The following ABCA2 variants were observed in gnomAD, a reference collection of about 807,000 sequenced individuals.
ABCA2 encodes the protein ATP-binding cassette sub-family A member 2.
ABCA2 carries 84 observed loss-of-function variants against 262.8 expected under a neutral mutation model. The observed-to-expected ratio is 0.32, with a 90% CI of 0.27 to 0.38. The LOEUF (loss-of-function observed/expected upper bound fraction) is 0.38, where lower values mean the gene tolerates loss of function less well. Among genes scored for constraint, ABCA2 ranks in the 10% least tolerant of loss-of-function variants. The pLI is 1.00. For synonymous variants in ABCA2, 1,696 were observed against 1,502.9 expected (o/e 1.13, Z -2.97); for missense variants, 2,662 against 3,405.9 (o/e 0.78, Z 5.44).
At chr9:137,013,726 T>A (rs1414278200) in intron 28 of ABCA2, 106 bp downstream of exon 28, 10 of 1,391,054 alleles carry the variant, frequency 7.2e-6, no homozygotes, top group Non-Finnish European at 9.8e-6. Context: ...GCCTCAGGTG[T>A]GGGGTGAGGC....
rs767524737 is a variant in ABCA2 at position 137,010,359 on chromosome 9, G to T, written c.6187C>A (p.Arg2063=). 1 of 1,571,912 alleles carries T rather than the reference G, an allele frequency of 6.4e-7. No homozygotes were observed. Among genetic ancestry groups the T allele is most frequent in the Non-Finnish European group, 8.6e-7 (1 of 1,159,148 alleles). Reference sequence around the variant, plus strand: ...ACGGCCAGGATACGGCCAATCTTCCGGGACTTGTAGACCTGGCCAGGAGCC... The same window carrying T: ...ACGGCCAGGATACGGCCAATCTTCCTGGACTTGTAGACCTGGCCAGGAGCC... ...IENLTKVYKS[R]KIGRILAVDR... Residue 2063 remains arginine, a synonymous_variant, in exon 41 of 49, where the codon CGG becomes AGG. Coordinates refer to ENST00000341511, the MANE Select transcript of ABCA2 (RefSeq NM_001606.5).
chr9:137,013,163 G>T lies in ABCA2; in HGVS notation c.4706C>A (p.Ala1569Asp), dbSNP rs1554734647. 1.2e-6 allele frequency: 2 copies of T among 1,600,214 alleles called. No homozygotes were observed. Among genetic ancestry groups the T allele is most frequent in the Non-Finnish European group, 8.5e-7 (1 of 1,175,450 alleles). Reference protein sequence around the residue: ...LSSGESRLLAARFFDSMCLES... With the variant: ...LSSGESRLLADRFFDSMCLES... ...CAGACACATGCTGTCGAAGAACCGAGCCGCCAGCAGGCGCGACTCCCCGCT... is the reference window on the plus strand; with the variant it reads ...CAGACACATGCTGTCGAAGAACCGATCCGCCAGCAGGCGCGACTCCCCGCT... Residue 1569 changes from alanine to aspartate, a missense_variant, in exon 30 of 49, where the codon GCT becomes GAT. Ala to Asp is a moderately radical substitution (Grantham distance 126). Coordinates refer to ENST00000341511, the MANE Select transcript of ABCA2 (RefSeq NM_001606.5).
At chr9:137,028,329 C>T (rs1459487816), upstream of ABCA2, 1 of 936,946 alleles carries the variant, frequency 1.1e-6, no homozygotes, top group African/African-American at 1.8e-5. This position sits in a 1 kb window ranked among gnomAD's most constrained non-coding sequence, Gnocchi z 6.9. Context: ...GCCCCGCCCG[C>T]CCCCGCTTAA....
intron 1 of ABCA2, 44 bp from the exon 2 acceptor site, chr9:137,024,280 C>T (rs766944692): frequency 1.6e-5 from 24 of 1,504,114 alleles, no homozygotes; most frequent in African/African-American, 2.8e-5. Context: ...GACCTGTGCT[C>T]GCCTAGGCCC....
At position 137,011,863 on chromosome 9, in the gene ABCA2, G is replaced by A. The variant is rs370791962; in HGVS notation, c.5516C>T (p.Ala1839Val). 7 of 1,592,378 alleles carry A rather than the reference G, an allele frequency of 4.4e-6. No homozygotes were observed. The highest frequency in any genetic ancestry group is 1.7e-4 in the Middle Eastern group (1 of 5,904). Reference sequence around the variant, plus strand: ...GCGCACCATGTCCCACACGTAGTTCGCCAGCCAGTAGATGATGGGGTTGCA... The same window carrying A: ...GCGCACCATGTCCCACACGTAGTTCACCAGCCAGTAGATGATGGGGTTGCA... ...SGCNPIIYWL[A>V]NYVWDMLNYL... is the part of the protein sequence containing the mutation. The change falls in exon 35 of 49, where the codon GCG becomes GTG. Residue 1839 changes from alanine to valine, a missense_variant. Coordinates refer to ENST00000341511, the MANE Select transcript of ABCA2 (RefSeq NM_001606.5). This position sits in a 1 kb window ranked among gnomAD's most constrained non-coding sequence, Gnocchi z 8.8.
In ABCA2 at chr9:137,018,622, C is replaced by T. The variant is rs1432497838; in HGVS notation, c.1819+97G>A. The T allele has an allele frequency of 1.7e-5, 17 of 992,468 alleles. 1 individual carries two copies. The highest frequency in any genetic ancestry group is 6.3e-5 in the South Asian group (4 of 63,004). The allele number at this position is 992,468 out of a possible 1,614,324, so 61.5% of individuals were successfully genotyped here. ...CGGGTGAGGGGGGAAGGCCAGGGCG[C>T]GGCCAAGGAGTGGGAGGGCACAGGG... On this transcript the variant is annotated intron_variant, in intron 13 of 48. Coordinates refer to ENST00000341511, the MANE Select transcript of ABCA2 (RefSeq NM_001606.5).
In ABCA2 at chr9:137,021,138, G is replaced by T; in HGVS notation, c.898-77C>A. Reference sequence around the variant, plus strand: ...GGTGATAGGTCAGGAGTGGAGCAGGGAGACAGCAGCAGGGAGACACAAGCT... The same window carrying T: ...GGTGATAGGTCAGGAGTGGAGCAGGTAGACAGCAGCAGGGAGACACAAGCT... On this transcript the variant is annotated intron_variant, in intron 8 of 48. Transcript: ENST00000341511. This position sits in a 1 kb window ranked among gnomAD's most constrained non-coding sequence, Gnocchi z 6.0. The T allele has an allele frequency of 7.0e-7, 1 of 1,436,970 alleles. No homozygotes were observed. Among genetic ancestry groups the T allele is most frequent in the Non-Finnish European group, 9.1e-7 (1 of 1,098,188 alleles). The allele number at this position is 1,436,970 out of a possible 1,614,324, so 89.0% of individuals were successfully genotyped here. A position where few individuals can be genotyped will look rare whatever the true frequency, so the allele number is the denominator to read the frequency against.
upstream of ABCA2, chr9:137,028,324 G>A (rs921302634): frequency 8.6e-6 from 8 of 935,270 alleles, no homozygotes; most frequent in Non-Finnish European, 1.0e-5. This position sits in a 1 kb window ranked among gnomAD's most constrained non-coding sequence, Gnocchi z 6.9. Context: ...CCCGCGCCCC[G>A]CCCGCCCCCG....
At position 137,010,748 on chromosome 9, in the gene ABCA2, AGG is replaced by A; in HGVS notation, c.6057-13_6057-12del. 1 of 1,609,770 alleles carries A rather than the reference AGG, an allele frequency of 6.2e-7. No homozygotes were observed. Among genetic ancestry groups the A allele is most frequent in the Non-Finnish European group, 8.5e-7 (1 of 1,177,568 alleles). On this transcript the variant is annotated splice_polypyrimidine_tract_variant and intron_variant, in intron 39 of 48. Transcript: ENST00000341511. The stretch of plus-strand genomic sequence containing the variant: ...GACACAGGCATGCGCCTTGGGGGAC[AGG>A]GTGGACAGTGTCCAGCAGCTCGCCA...
Position 137,014,012 on chromosome 9 carries a change from C to T in ABCA2, c.4267G>A (p.Val1423Ile). The T allele has an allele frequency of 6.2e-7, 1 of 1,611,646 alleles. No individual in the cohort carries two copies. Among genetic ancestry groups the T allele is most frequent in the Non-Finnish European group, 8.5e-7 (1 of 1,179,838 alleles). Residue 1423 changes from valine to isoleucine, a missense_variant, in exon 28 of 49, where the codon GTC becomes ATC. By Grantham distance (29) the Val-to-Ile change is conservative (BLOSUM62 3). Transcript: ENST00000341511. ...QEVEAEALSRVGQGSRKLDGG... is the reference protein window; with the variant it reads ...QEVEAEALSRIGQGSRKLDGG... Reference sequence around the variant, plus strand: ...TCCAGCTTGCGGCTGCCCTGGCCGACCCTCGACAGGGCCTCTGCCTCCACC... The same window carrying T: ...TCCAGCTTGCGGCTGCCCTGGCCGATCCTCGACAGGGCCTCTGCCTCCACC...
chr9:137,017,428 C>A, intron 17 of ABCA2, 74 bp downstream of exon 17: 1 of 1,599,318 alleles, frequency 6.3e-7, no homozygotes, highest in East Asian at 2.2e-5. Flanking sequence ...GTCCAGGGGG[C>A]TCTGAGAGGA....
In ABCA2 at chr9:137,009,754, C is replaced by T. The variant is rs1830966436; in HGVS notation, c.6630+15G>A. 6.2e-6 allele frequency: 10 copies of T among 1,607,850 alleles called. No individual in the cohort carries two copies. The highest frequency in any genetic ancestry group is 1.7e-5 in the Admixed American group (1 of 59,736). ...CAAAGGCCAGGCAGCCACCCCCCAC[C>T]CACCCAGGACTTACCAGGAAGATGA... On this transcript the variant is annotated intron_variant, in intron 43 of 48. Coordinates refer to ENST00000341511, the MANE Select transcript of ABCA2 (RefSeq NM_001606.5).
At chr9:137,020,608 G>A (rs1180412555) in intron 9 of ABCA2, 86 bp downstream of exon 9, 1 of 1,558,224 alleles carries the variant, frequency 6.4e-7, no homozygotes, top group African/African-American at 1.4e-5. Context: ...CGCCAAATGA[G>A]ACCTCCAGAG....
chr9:137,008,769 T>A lies in ABCA2; in HGVS notation c.7030A>T (p.Ile2344Phe), dbSNP rs1486381680. The change falls in exon 47 of 49, where the codon ATC becomes TTC. Residue 2344 changes from isoleucine to phenylalanine, a missense_variant. By Grantham distance (21) the Ile-to-Phe change is conservative (BLOSUM62 0). Around this residue, in one of 12 missense-constraint regions of ABCA2, gnomAD observed 212 missense variants for 214.4 expected, o/e 0.99. Transcript: ENST00000341511. ...GTCTGGCTGACCGAGTAGTCCTCGA[T>A]GCCCAGCACGCCAGACACCTGCTCC... ...KMEQVSGVLG[I>F]EDYSVSQTTL... is the part of the protein sequence containing the mutation. The A allele has an allele frequency of 6.3e-7, 1 of 1,595,070 alleles. No homozygotes were observed. The highest frequency in any genetic ancestry group is 1.7e-5 in the Admixed American group (1 of 57,790).
At chr9:137,022,168 G>C (rs1210436868) in intron 6 of ABCA2, among the ~76,000 whole-genome samples, 167 bp from the exon 7 acceptor site, 1 of 111,350 alleles carries the variant, frequency 9.0e-6, no homozygotes. Context: ...ATGTAGGTGT[G>C]GGGGCGTGGC....
Position 137,011,797 on chromosome 9 carries a change from TG to T in ABCA2, c.5535+46del. 6.6e-7 allele frequency: 1 copy of T among 1,517,150 alleles called. No homozygotes were observed. 94.0% of individuals were successfully genotyped at this position (1,517,150 alleles called of 1,614,324 possible). ...TGAGAGACCCGGGGCAGGGCGGGGA[TG>T]GGGGATGAGAAGGGCCGGGGCACCC... On this transcript the variant is annotated intron_variant, in intron 35 of 48. Transcript: ENST00000341511. The surrounding 1 kb of genome is among the most constrained non-coding windows in gnomAD (Gnocchi z 8.8).
chr9:137,012,496 T>G lies in ABCA2; in HGVS notation c.5176A>C (p.Arg1726=). 6.2e-7 allele frequency: 1 copy of G among 1,611,600 alleles called. No homozygotes were observed. The highest frequency in any genetic ancestry group is 8.5e-7 in the Non-Finnish European group (1 of 1,179,824). Residue 1726 remains arginine, a synonymous_variant, in exon 32 of 49, where the codon AGG becomes CGG. Coordinates refer to ENST00000341511, the MANE Select transcript of ABCA2 (RefSeq NM_001606.5). The stretch of plus-strand genomic sequence containing the variant: ...GCAGCCTCGCTCACCTGGGCAGCCC[T>G]GCGCACCGCGATCTTCCGCACCATG... ...PPMVRKIAVR[R]AAQVFYNNKG...
Position 137,009,245 on chromosome 9 carries a change from A to G in ABCA2, c.6827+125T>C, listed in dbSNP as rs908316334. ...CCACTGCCCCAGTCCCCCCAGCCCC[A>G]GTGCCCCCAGCCCCCCTGGCCCCAC... On this transcript the variant is annotated intron_variant, in intron 45 of 48. Coordinates refer to ENST00000341511, the MANE Select transcript of ABCA2 (RefSeq NM_001606.5). 2.5e-5 allele frequency: 5 copies of G among 197,206 alleles called. No individual in the cohort carries two copies. In the East Asian group the frequency reaches 3.5e-4, roughly 14 times the overall value. 12.2% of individuals were successfully genotyped at this position (197,206 alleles called of 1,614,324 possible).
chr9:137,010,561 C>G (rs1212460497), intron 40 of ABCA2, 59 bp downstream of exon 40: 1 of 1,584,680 alleles, frequency 6.3e-7, no homozygotes, highest in African/African-American at 1.3e-5. Context: ...TGCTGGGGCC[C>G]CACCCCCCTG....
Sources: allele counts gnomAD v4.1 joint callset (sites outside exome capture counted in the v4.1 genomes callset), GRCh38; gene constraint gnomAD v4.1.1; regional missense constraint gnomAD v4.1.1; non-coding constraint Gnocchi (gnomAD v3.1); transcripts MANE v1.5; gene names NCBI Gene and HGNC (gene_info 2026-07-23, HGNC 2026-07-21).